The following MPHOSPH10 variants were observed in gnomAD, a reference collection of about 807,000 sequenced individuals.
The protein encoded by MPHOSPH10 is U3 small nucleolar ribonucleoprotein MPP10.
A neutral mutation model predicts 77.3 loss-of-function variants in MPHOSPH10; 33 were observed. The ratio of observed to expected loss-of-function variants is 0.43; its 90% CI spans 0.32 to 0.57. The LOEUF (loss-of-function observed/expected upper bound fraction) is 0.57. Ranked by LOEUF, MPHOSPH10 falls within the 20% of genes least tolerant of loss-of-function variation. The pLI is 0.07. For synonymous variants in MPHOSPH10, 245 were observed against 268.0 expected (o/e 0.91, Z 0.84); for missense variants, 708 against 780.1 (o/e 0.91, Z 1.10).
At chr2:71,144,664 A>AG in intron 8 of MPHOSPH10, 126 bp downstream of exon 8, 3 of 713,250 alleles carry the variant, frequency 4.2e-6, no homozygotes, top group Non-Finnish European at 7.0e-6. Context: ...AATTCCAGGC[A>AG]GGGTCTCCAT....
intron 4 of MPHOSPH10, among the ~76,000 whole-genome samples, chr2:71,136,281 G>A (rs1437708449): frequency 1.3e-5 from 2 of 152,184 alleles, no homozygotes; most frequent in African/African-American, 2.4e-5. Flanking sequence ...GGGAGGCTGA[G>A]GAGGGAGGAT....
Position 71,149,359 on chromosome 2 carries a change from A to C in MPHOSPH10, c.1802A>C (p.Lys601Thr). The C allele has an allele frequency of 1.1e-5, 17 of 1,614,202 alleles. No individual in the cohort carries two copies. The highest frequency in any genetic ancestry group is 1.4e-5 in the Non-Finnish European group (17 of 1,180,012). Residue 601 changes from lysine (K) to threonine (T), a missense_variant, in exon 10 of 11, where the codon AAG (lysine) becomes ACG (threonine). This residue lies in a region of MPHOSPH10 where 263 missense variants were observed against 320.0 expected (regional missense o/e 0.82). Transcript: ENST00000244230. Reference protein sequence around the residue: ...EKEKRRKLLEKSSVDQAGKYS... With the variant: ...EKEKRRKLLETSSVDQAGKYS... ...GAGAAGCGGAGAAAACTGCTTGAAAAGAGCAGTGTAGATCAAGCAGGGAAA... is the reference window on the plus strand; with the variant it reads ...GAGAAGCGGAGAAAACTGCTTGAAACGAGCAGTGTAGATCAAGCAGGGAAA...
At position 71,130,677 on chromosome 2, in the gene MPHOSPH10, G is replaced by A. The variant is rs78215199; in HGVS notation, c.12G>A (p.Gln4=). The A allele has an allele frequency of 6.4e-4, 1,031 of 1,609,634 alleles. 18 individuals carry two copies. The East Asian group carries it at 0.019, about 29-fold the overall frequency. The stretch of plus-strand genomic sequence containing the variant: ...AGTTGCTGACAGCCATGGCGCCGCA[G>A]GTCTGGCGTCGACGGACCCTGGAGC... MAP[Q]VWRRRTLERC... is the part of the protein sequence containing the mutation. Residue 4 remains glutamine (Q), a synonymous_variant, in exon 1 of 11, where the codon CAG becomes CAA. Coordinates refer to ENST00000244230, the MANE Select transcript of MPHOSPH10 (RefSeq NM_005791.3).
At chr2:71,138,433 C>T in intron 4 of MPHOSPH10, 57 bp from the exon 5 acceptor site, 1 of 1,353,164 alleles carries the variant, frequency 7.4e-7, no homozygotes, top group South Asian at 1.5e-5. Flanking sequence ...TTTGCTTTTA[C>T]ACAAATATAA....
intron 7 of MPHOSPH10, among the ~76,000 whole-genome samples, chr2:71,143,744 G>T (rs1353277402): frequency 6.6e-6 from 1 of 152,134 alleles, no homozygotes; most frequent in African/African-American, 2.4e-5. Flanking sequence ...ACCTCTTTCA[G>T]TTAGTGTTGT....
chr2:71,130,822 G>T, intron 1 of MPHOSPH10, 68 bp downstream of exon 1: 2 of 1,427,138 alleles, frequency 1.4e-6, no homozygotes, highest in South Asian at 1.2e-5. Flanking sequence ...GCAGGCCTCC[G>T]GCAAATTGTG....
At chr2:71,146,334 C>CTTTTTTTTTT (rs778705527) in intron 8 of MPHOSPH10, among the ~76,000 whole-genome samples, 1 of 107,336 alleles carries the variant, frequency 9.3e-6, no homozygotes, top group Non-Finnish European at 1.8e-5. Context: ...TTTTTTGTGG[C>CTTTTTTTTTT]TTTTTTTTTT....
rs1308933690 is a variant in MPHOSPH10 at position 71,134,709 on chromosome 2, A to G, written c.1010A>G (p.Asp337Gly). ...SLKRVTFALP[D>G]DAETEDTGVL... ...AAAAGAGTGACCTTTGCTTTACCAG[A>G]TGATGCGGAAACTGAAGATACAGGT... The change falls in exon 4 of 11, where the codon GAT becomes GGT. Residue 337 changes from aspartate (D) to glycine (G), a missense_variant. By Grantham distance (94) the Asp-to-Gly change is moderately conservative. Transcript: ENST00000244230. 6.2e-7 allele frequency: 1 copy of G among 1,612,110 alleles called. No homozygotes were observed. The highest frequency in any genetic ancestry group is 8.5e-7 in the Non-Finnish European group (1 of 1,178,840).
chr2:71,144,396 T>C (rs764762872), intron 7 of MPHOSPH10, 32 bp from the exon 8 acceptor site: 1 of 1,515,760 alleles, frequency 6.6e-7, no homozygotes, highest in Non-Finnish European at 9.2e-7. Context: ...ATCAAGTCGC[T>C]TAGTTTGACA....
intron 1 of MPHOSPH10, 150 bp downstream of exon 1, chr2:71,130,904 T>A (rs1673364247): frequency 1.4e-6 from 1 of 704,152 alleles, no homozygotes; most frequent in Non-Finnish European, 2.3e-6. Context: ...TTTCCTAGGC[T>A]ATCAAAATTT....
chr2:71,132,172 T>C (rs1316654695), intron 1 of MPHOSPH10, among the ~76,000 whole-genome samples: 1 of 152,206 alleles, frequency 6.6e-6, no homozygotes, highest in Non-Finnish European at 1.5e-5. Context: ...CCATTATCCT[T>C]TCGCTGGAAT....
At chr2:71,141,133 A>G in intron 6 of MPHOSPH10, 99 bp from the exon 7 acceptor site, 2 of 523,906 alleles carry the variant, frequency 3.8e-6, no homozygotes, top group Non-Finnish European at 5.2e-6. Flanking sequence ...TAATATATTG[A>G]TAATATTTAT....
intron 7 of MPHOSPH10, among the ~76,000 whole-genome samples, chr2:71,143,654 T>C (rs1673654278): frequency 6.6e-6 from 1 of 152,206 alleles, no homozygotes; most frequent in African/African-American, 2.4e-5. Flanking sequence ...AACCCCAGTC[T>C]GCATTCTATC....
rs2290807 is a variant in MPHOSPH10, at chr2:71,148,258, T to C, written c.1665+152T>C. On this transcript the variant is annotated intron_variant, in intron 9 of 10. Transcript: ENST00000244230. The stretch of plus-strand genomic sequence containing the variant: ...AAGTATAAGCAAACTAGTAATGTTA[T>C]AATATTCAAATACCAGTCTCCTATA... 2.9e-4 allele frequency: 182 copies of C among 617,112 alleles called. 1 individual carries two copies. In the East Asian group the frequency reaches 3.8e-3, roughly 13 times the overall value. The allele number at this position is 617,112 out of a possible 1,614,324, so 38.2% of individuals were successfully genotyped here.
rs1304419931 is a variant in MPHOSPH10 at position 71,139,810 on chromosome 2, A to G, written c.1256A>G (p.Glu419Gly). The change falls in exon 6 of 11, where the codon GAG becomes GGG. Residue 419 changes from glutamate (E) to glycine (G), a missense_variant. Glu to Gly is a moderately conservative substitution (Grantham distance 98, BLOSUM62 -2). Coordinates refer to ENST00000244230, the MANE Select transcript of MPHOSPH10 (RefSeq NM_005791.3). ...TATCCTTTAGCACCTGTGATTACAG[A>G]GGAAACCACCCTTCAACTGGAAGAT... ...HAVRMAPVIT[E>G]ETTLQLEDII... is the part of the protein sequence containing the mutation. 2 of 1,609,776 alleles carry G rather than the reference A, an allele frequency of 1.2e-6. No individual in the cohort carries two copies. The highest frequency in any genetic ancestry group is 2.7e-5 in the African/African-American group (2 of 74,878).
chr2:71,130,781 G>T (rs766348455), intron 1 of MPHOSPH10, 27 bp downstream of exon 1: 2 of 1,586,310 alleles, frequency 1.3e-6, no homozygotes, highest in South Asian at 2.3e-5. Flanking sequence ...CGGGCTCGGG[G>T]TGCGACCGGG....
At chr2:71,137,938 C>A (rs567609709) in intron 4 of MPHOSPH10, among the ~76,000 whole-genome samples, 3 of 151,846 alleles carry the variant, frequency 2.0e-5, no homozygotes, top group Non-Finnish European at 4.4e-5. Context: ...CTAAAAAATA[C>A]AAAAATTAGC....
chr2:71,138,641 C>T lies in MPHOSPH10; in HGVS notation c.1240+10C>T. On this transcript the variant is annotated intron_variant, in intron 5 of 10. Transcript: ENST00000244230. ...CATGCTGTCCGGATGGGTATGGTGC[C>T]CTCTTCTGTAGTTTTCATGTCTGTG... is the stretch of plus-strand genomic sequence containing the variant. 6.2e-7 allele frequency: 1 copy of T among 1,614,052 alleles called. No individual in the cohort carries two copies. Among genetic ancestry groups the T allele is most frequent in the Non-Finnish European group, 8.5e-7 (1 of 1,179,980 alleles).
In MPHOSPH10 at chr2:71,133,232, G is replaced by A; in HGVS notation, c.424G>A (p.Gly142Ser). The A allele has an allele frequency of 6.2e-7, 1 of 1,614,078 alleles. No homozygotes were observed. The highest frequency in any genetic ancestry group is 8.5e-7 in the Non-Finnish European group (1 of 1,180,014). ...AGAGGAGGAGGAAGTGTCCGACATGGGTAATGATGATCCTGAAATGGGTGA... is the reference window on the plus strand; with the variant it reads ...AGAGGAGGAGGAAGTGTCCGACATGAGTAATGATGATCCTGAAATGGGTGA... The part of the protein sequence containing the change: ...DLEEEEVSDM[G>S]NDDPEMGERA... Residue 142 changes from glycine to serine, a missense_variant, in exon 2 of 11, where the codon GGT (glycine) becomes AGT (serine). By Grantham distance (56) the Gly-to-Ser change is moderately conservative. This residue lies in a region of MPHOSPH10 where 433 missense variants were observed against 432.6 expected (regional missense o/e 1.00). Coordinates refer to ENST00000244230, the MANE Select transcript of MPHOSPH10 (RefSeq NM_005791.3).
Sources: allele counts gnomAD v4.1 joint callset (sites outside exome capture counted in the v4.1 genomes callset), GRCh38; gene constraint gnomAD v4.1.1; regional missense constraint gnomAD v4.1.1; transcripts MANE v1.5; gene names NCBI Gene and HGNC (gene_info 2026-07-23, HGNC 2026-07-21).